KCND3: variants seen among roughly 807,000 people sequenced by gnomAD.
KCND3 encodes potassium voltage-gated channel subfamily D member 3.
A neutral mutation model predicts 51.1 loss-of-function variants in KCND3; 9 were observed. The observed-to-expected ratio is 0.18, with a 90% CI of 0.11 to 0.31. The LOEUF (loss-of-function observed/expected upper bound fraction) is 0.31, where lower values mean the gene tolerates loss of function less well. Ranked by LOEUF, KCND3 falls within the 10% of genes least tolerant of loss-of-function variation. KCND3 has a pLI of 1.00. For synonymous variants in KCND3, 349 were observed against 368.0 expected, an observed-to-expected ratio of 0.95 and a Z score of 0.59; for missense variants, 526 against 903.8, an observed-to-expected ratio of 0.58 and a Z score of 5.36.
intron 7 of KCND3, among the ~76,000 whole-genome samples, chr1:111,776,496 T>C (rs535007531): frequency 5.9e-5 from 9 of 152,354 alleles, no homozygotes; most frequent in Non-Finnish European, 1.3e-4. Context: ...AATTGCAGAA[T>C]GTACATCACC....
At chr1:111,915,985 T>G (rs1446139390) in intron 2 of KCND3, among the ~76,000 whole-genome samples, 1 of 152,046 alleles carries the variant, frequency 6.6e-6, no homozygotes, top group Non-Finnish European at 1.5e-5. Flanking sequence ...AGTTGAAAAT[T>G]TAAGCATTCT....
At chr1:111,777,868 T>C (rs1337621774) in intron 6 of KCND3, among the ~76,000 whole-genome samples, 1 of 152,208 alleles carries the variant, frequency 6.6e-6, no homozygotes, top group Non-Finnish European at 1.5e-5. Flanking sequence ...TTAATATACC[T>C]GGAGGCACAG....
chr1:111,798,336 G>A (rs1665149882), intron 2 of KCND3, among the ~76,000 whole-genome samples: 1 of 152,096 alleles, frequency 6.6e-6, no homozygotes. Context: ...CATCTTTCCA[G>A]ATGCTGTTCA....
At chr1:111,968,750 C>A (rs1316556346) in intron 2 of KCND3, among the ~76,000 whole-genome samples, 1 of 152,182 alleles carries the variant, frequency 6.6e-6, no homozygotes, top group Non-Finnish European at 1.5e-5. Context: ...CACCTGGTCC[C>A]CAGAAATGTG....
chr1:111,855,485 T>C (rs1442145482), intron 2 of KCND3, among the ~76,000 whole-genome samples: 1 of 152,202 alleles, frequency 6.6e-6, no homozygotes, highest in East Asian at 1.9e-4. Context: ...GTCTTTGTCT[T>C]ATGCTAATGA....
At chr1:111,893,734 G>A (rs1669964907) in intron 2 of KCND3, among the ~76,000 whole-genome samples, 1 of 152,214 alleles carries the variant, frequency 6.6e-6, no homozygotes, top group African/African-American at 2.4e-5. Context: ...GTCATGGTGA[G>A]AAGGGGTCAG....
intron 2 of KCND3, among the ~76,000 whole-genome samples, chr1:111,947,756 G>C (rs1557738253): frequency 6.6e-6 from 1 of 152,188 alleles, no homozygotes; most frequent in Non-Finnish European, 1.5e-5. Flanking sequence ...TCTCATAATG[G>C]CTAAAAAATA....
chr1:111,882,908 G>C (rs1372985950), intron 2 of KCND3, among the ~76,000 whole-genome samples: 1 of 152,184 alleles, frequency 6.6e-6, no homozygotes, highest in Non-Finnish European at 1.5e-5. Flanking sequence ...TTGGAGTCCA[G>C]AGCAAATAAA....
At chr1:111,931,039 T>C (rs1016332785) in intron 2 of KCND3, among the ~76,000 whole-genome samples, 25 of 152,224 alleles carry the variant, frequency 1.6e-4, no homozygotes, top group Admixed American at 3.9e-4. Context: ...TCCAGCACAT[T>C]GTCTGCTGAA....
intron 2 of KCND3, among the ~76,000 whole-genome samples, chr1:111,814,568 T>C (rs1445260088): frequency 6.6e-6 from 1 of 152,262 alleles, no homozygotes; most frequent in East Asian, 1.9e-4. Context: ...AACTGAGCGA[T>C]GAGTAACTGA....
chr1:111,941,489 G>A (rs1247440421), intron 2 of KCND3, among the ~76,000 whole-genome samples: 1 of 152,180 alleles, frequency 6.6e-6, no homozygotes, highest in East Asian at 1.9e-4. Context: ...AAATAAATCA[G>A]GGCCTTGTTT....
At chr1:111,857,044 C>T (rs1304909627) in intron 2 of KCND3, 1 of 152,302 alleles carries the variant, frequency 6.6e-6, no homozygotes, top group African/African-American at 2.4e-5. Flanking sequence ...GTGGCCACTC[C>T]TCCTCCTCTA....
intron 2 of KCND3, among the ~76,000 whole-genome samples, chr1:111,889,663 G>A (rs1669735643): frequency 2.0e-5 from 3 of 152,136 alleles, no homozygotes; most frequent in Admixed American, 2.0e-4. Flanking sequence ...AGGTGAAGGG[G>A]CAGGATATTG....
chr1:111,905,168 C>T (rs1670587462), intron 2 of KCND3, among the ~76,000 whole-genome samples: 1 of 152,184 alleles, frequency 6.6e-6, no homozygotes, highest in Non-Finnish European at 1.5e-5. Flanking sequence ...TTCTGAGGCA[C>T]ACTCCAGAGC....
chr1:111,946,020 G>T (rs189191678), intron 2 of KCND3, among the ~76,000 whole-genome samples: 288 of 152,288 alleles, frequency 1.9e-3, no homozygotes, highest in Non-Finnish European at 1.7e-3. Context: ...ACATCACTAG[G>T]TGTTGTGAGT....
chr1:111,963,701 C>T (rs927095355), intron 2 of KCND3, among the ~76,000 whole-genome samples: 1 of 152,178 alleles, frequency 6.6e-6, no homozygotes. Flanking sequence ...GTGAACTGAG[C>T]CTACCGTCAT....
intron 2 of KCND3, among the ~76,000 whole-genome samples, chr1:111,827,643 C>T (rs1321660699): frequency 6.6e-6 from 1 of 152,188 alleles, no homozygotes; most frequent in African/African-American, 2.4e-5. Flanking sequence ...GAGGCTGGTA[C>T]TGTTATTACA....
intron 2 of KCND3, among the ~76,000 whole-genome samples, chr1:111,966,277 T>G (rs758393831): frequency 2.4e-4 from 37 of 152,172 alleles, no homozygotes; most frequent in Non-Finnish European, 3.4e-4. Flanking sequence ...ATATATAGAT[T>G]CCCTTGCATT....
chr1:111,966,200 A>G (rs1015377827), intron 2 of KCND3, among the ~76,000 whole-genome samples: 6 of 152,196 alleles, frequency 3.9e-5, no homozygotes, highest in Admixed American at 1.3e-4. Context: ...TGATCATTTA[A>G]TGGTTGGTTT....
Sources: gnomAD v4.1 joint callset for allele counts (sites outside exome capture counted in the v4.1 genomes callset) on GRCh38, gnomAD v4.1.1 for gene constraint, MANE v1.5 for transcripts, NCBI Gene and HGNC (gene_info 2026-07-23, HGNC 2026-07-21) for gene names.